APOL4: variants seen among roughly 807,000 people sequenced by gnomAD.
APOL4 encodes apolipoprotein L, 4.
In APOL4, 14 loss-of-function variants were observed where a neutral mutation model predicts 12.1. The observed-to-expected ratio is 1.16, with a 90% CI of 0.76 to 1.81. The LOEUF (loss-of-function observed/expected upper bound fraction) is 1.81. APOL4 is among the 40% of genes most tolerant of loss of function. The pLI is 0.00. For synonymous variants in APOL4, 171 were observed against 160.6 expected (o/e 1.06, Z -0.49); for missense variants, 432 against 423.1 (o/e 1.02, Z -0.18).
chr22:36,199,723 G>A (rs374276005), intron 1 of APOL4: 49 of 1,370,058 alleles, frequency 3.6e-5, no homozygotes, highest in East Asian at 5.0e-5. Flanking sequence ...AACAATGACC[G>A]GAAACATGTG....
At chr22:36,204,764 T>C (rs771478690), upstream of APOL4, 5 of 279,298 alleles carry the variant, frequency 1.8e-5, no homozygotes, top group Non-Finnish European at 2.8e-5. Context: ...ATTCGAAAGG[T>C]AAAATGAAAG....
Position 36,189,565 on chromosome 22 carries a change from C to T in APOL4, c.*1510G>A, listed in dbSNP as rs1031626027. 18 of 152,286 alleles carry T rather than the reference C, an allele frequency of 1.2e-4. 1 individual carries two copies. The highest frequency in any genetic ancestry group is 3.9e-4 in the African/African-American group (16 of 41,516). 9.4% of individuals were successfully genotyped at this position (152,286 alleles called of 1,614,324 possible). ...TTCCATTCTTGGAAGGACATCCAACCGGGGGGCGGGTCTTTAGTGGAGCCG... is the reference window on the plus strand; with the variant it reads ...TTCCATTCTTGGAAGGACATCCAACTGGGGGGCGGGTCTTTAGTGGAGCCG... On this transcript the variant is annotated 3_prime_UTR_variant, in exon 4 of 4. Coordinates refer to ENST00000683024, the MANE Select transcript of APOL4 (RefSeq NM_001386885.1).
intron 3 of APOL4, among the ~76,000 whole-genome samples, chr22:36,193,144 A>G (rs1603477735): frequency 1.3e-5 from 2 of 152,246 alleles, no homozygotes; most frequent in African/African-American, 2.4e-5. Flanking sequence ...CGACTGTCTG[A>G]CCTGCCTTTA....
intron 2 of APOL4, among the ~76,000 whole-genome samples, chr22:36,197,084 A>G (rs77747510): frequency 0.017 from 2,561 of 152,222 alleles, 40 homozygotes; most frequent in East Asian, 0.042. Flanking sequence ...GGCACCTCTG[A>G]ACCCAGCTGG....
rs772547158 is a variant in APOL4, at chr22:36,191,285, G to C, written c.837C>G (p.Thr279=). The C allele has an allele frequency of 6.2e-7, 1 of 1,613,996 alleles. No homozygotes were observed. The highest frequency in any genetic ancestry group is 8.5e-7 in the Non-Finnish European group (1 of 1,179,892). The change falls in exon 4 of 4, where the codon ACC becomes ACG. Residue 279 remains threonine, a synonymous_variant. Transcript: ENST00000683024. ...TCCGGGCTACTTTTCTCACTATCCG[G>C]GTGGGGGCCCCACGTGTTCTCAGTG... ...VETLRTRGAP[T]RIVRKVARNL...
chr22:36,191,557 C>T lies in APOL4; in HGVS notation c.565G>A (p.Val189Met), dbSNP rs373611761. The T allele has an allele frequency of 2.3e-5, 37 of 1,613,812 alleles. No homozygotes were observed. The highest frequency in any genetic ancestry group is 7.7e-5 in the South Asian group (7 of 91,064). ...SATAGIASSIVENTYTRSAEL... is the reference protein window; with the variant it reads ...SATAGIASSIMENTYTRSAEL... ...GCTGACCTTGTGTATGTGTTCTCCA[C>T]GATGCTGGAGGCGATCCCAGCCGTG... is the stretch of plus-strand genomic sequence containing the variant. Residue 189 changes from valine (V) to methionine (M), a missense_variant, in exon 4 of 4, where the codon GTG (valine) becomes ATG (methionine). Val to Met is a conservative substitution (Grantham distance 21). Transcript: ENST00000683024.
chr22:36,198,094 G>A (rs904292160), intron 2 of APOL4, among the ~76,000 whole-genome samples: 7 of 152,124 alleles, frequency 4.6e-5, no homozygotes, highest in Admixed American at 1.3e-4. Context: ...CACTGGGCCC[G>A]ACTGGCTCTT....
rs192225524 is a variant in APOL4 at position 36,199,562 on chromosome 22, C to A, written c.36-186G>T. 2.0e-4 allele frequency: 308 copies of A among 1,570,116 alleles called. 6 individuals carry two copies. The Admixed American group carries it at 5.8e-3, about 30-fold the overall frequency. ...CTATTTACAGACACTCAACTCATTC[C>A]AGCTCCCTCTTCCCTCACTCTCACA... On this transcript the variant is annotated intron_variant, in intron 1 of 3. Transcript: ENST00000683024.
intron 3 of APOL4, 40 bp downstream of exon 3, chr22:36,195,271 T>A (rs1569531188): frequency 6.3e-7 from 1 of 1,598,048 alleles, no homozygotes; most frequent in East Asian, 2.2e-5. Context: ...CTGGGTGGCA[T>A]CACCGGGGTG....
intron 2 of APOL4, chr22:36,197,858 G>T (rs1319152206): frequency 1.3e-6 from 2 of 1,537,152 alleles, no homozygotes; most frequent in Middle Eastern, 2.2e-4. Flanking sequence ...GGCCAATCTG[G>T]CTAAGACCAG....
Position 36,193,346 on chromosome 22 carries a change from T to C in APOL4, c.210-1434A>G, listed in dbSNP as rs550536545. On this transcript the variant is annotated intron_variant, in intron 3 of 3. Coordinates refer to ENST00000683024, the MANE Select transcript of APOL4 (RefSeq NM_001386885.1). Reference sequence around the variant, plus strand: ...AATAAAGGCTTCCTTCCTGATTTAATGTGATTCATAGGAATTTTTCCTTAA... The same window carrying C: ...AATAAAGGCTTCCTTCCTGATTTAACGTGATTCATAGGAATTTTTCCTTAA... Among the ~76,000 whole-genome samples the C allele has an allele frequency of 5.1e-4, 78 of 152,348 alleles. 2 individuals are homozygous for C. The highest frequency in any genetic ancestry group is 1.8e-3 in the African/African-American group (75 of 41,574).
chr22:36,193,405 G>A (rs182607953), intron 3 of APOL4, among the ~76,000 whole-genome samples: 22 of 152,326 alleles, frequency 1.4e-4, no homozygotes, highest in Middle Eastern at 3.4e-3. Flanking sequence ...AACACCCCAT[G>A]TGTTTTGTTC....
At chr22:36,194,608 C>T (rs2014351537) in intron 3 of APOL4, among the ~76,000 whole-genome samples, 1 of 152,174 alleles carries the variant, frequency 6.6e-6, no homozygotes, top group African/African-American at 2.4e-5. Flanking sequence ...GATTGAATTA[C>T]TAATAGCATT....
At chr22:36,204,632 G>T, upstream of APOL4, 4 of 702,224 alleles carry the variant, frequency 5.7e-6, no homozygotes, top group South Asian at 2.5e-5. Context: ...ACTTACCAAG[G>T]GATCTTCCTC....
chr22:36,192,761 TG>T (rs770541727), intron 3 of APOL4, among the ~76,000 whole-genome samples: 1 of 152,130 alleles, frequency 6.6e-6, no homozygotes, highest in Non-Finnish European at 1.5e-5. Flanking sequence ...TGATGGGTGA[TG>T]GGCGTTTAGG....
intron 1 of APOL4, among the ~76,000 whole-genome samples, chr22:36,200,506 G>A (rs7291137): frequency 0.098 from 14,936 of 152,232 alleles, 842 homozygotes; most frequent in African/African-American, 0.14. Context: ...TGTGGCTGCC[G>A]AGCCCTCCTG....
intron 1 of APOL4, among the ~76,000 whole-genome samples, chr22:36,200,605 ACCC>A (rs2146948298): frequency 6.6e-6 from 1 of 152,302 alleles, no homozygotes; most frequent in East Asian, 1.9e-4. Flanking sequence ...TACAAAGAAC[ACCC>A]TCCTTCACGT....
At chr22:36,200,416 A>G (rs2014536610) in intron 1 of APOL4, among the ~76,000 whole-genome samples, 1 of 152,192 alleles carries the variant, frequency 6.6e-6, no homozygotes, top group Non-Finnish European at 1.5e-5. Context: ...TGCAGTGGAC[A>G]GCCTGTGTCC....
Position 36,191,459 on chromosome 22 carries a change from G to C in APOL4, c.663C>G (p.Asp221Glu), listed in dbSNP as rs779680139. The C allele has an allele frequency of 1.1e-5, 17 of 1,613,952 alleles. No individual in the cohort carries two copies. The highest frequency in any genetic ancestry group is 1.4e-5 in the Non-Finnish European group (17 of 1,179,908). The change falls in exon 4 of 4, where the codon GAC (aspartate) becomes GAG (glutamate). Residue 221 changes from aspartate (D) to glutamate (E), a missense_variant. Asp to Glu is a conservative substitution (Grantham distance 45, BLOSUM62 2). Transcript: ENST00000683024. ...CAAAAGAAAGCACATTGGGTGTGAT[G>C]TCACGCAGAATGTCCCTTAATGCCT... ...QLEALRDILRDITPNVLSFAL... is the reference protein window; with the variant it reads ...QLEALRDILREITPNVLSFAL...
Sources: gnomAD v4.1 joint callset for allele counts (sites outside exome capture counted in the v4.1 genomes callset) on GRCh38, gnomAD v4.1.1 for gene constraint, MANE v1.5 for transcripts, NCBI Gene and HGNC (gene_info 2026-07-23, HGNC 2026-07-21) for gene names.